NPLOC4: variants seen among roughly 807,000 people sequenced by gnomAD.
NPLOC4 encodes nuclear protein localization protein 4 homolog.
Under a neutral mutation model 80.6 loss-of-function variants are expected in NPLOC4, and 18 were observed. The observed-to-expected ratio is 0.22, with a 90% CI of 0.15 to 0.33. NPLOC4 has a LOEUF of 0.33. Among genes scored for constraint, NPLOC4 ranks in the 10% least tolerant of loss-of-function variants. NPLOC4 has a pLI of 1.00. For synonymous variants in NPLOC4, 313 were observed against 301.5 expected (o/e 1.04, Z -0.39); for missense variants, 540 against 786.1 (o/e 0.69, Z 3.74).
Position 81,633,872 on chromosome 17 carries a change from AT to A in NPLOC4, c.15+3043del, listed in dbSNP as rs35394558. Among the ~76,000 whole-genome samples, 265 of 143,504 alleles carry A rather than the reference AT, an allele frequency of 1.8e-3. 1 individual carries two copies. Among genetic ancestry groups the A allele is most frequent in the East Asian group, 4.9e-3 (24 of 4,910 alleles). 94.1% of individuals were successfully genotyped at this position (143,504 alleles called of 152,430 possible). A position where few individuals can be genotyped will look rare whatever the true frequency, so the allele number is the denominator to read the frequency against. On this transcript the variant is annotated intron_variant, in intron 1 of 16. Coordinates refer to ENST00000331134, the MANE Select transcript of NPLOC4 (RefSeq NM_017921.4). Reference sequence around the variant, plus strand: ...AGGCGCCCGCCACCGCGCCCAGCTAATTTTTTTTTTTTTTTTAAGAGTCTCA... The same window carrying A: ...AGGCGCCCGCCACCGCGCCCAGCTAATTTTTTTTTTTTTTTAAGAGTCTCA...
chr17:81,596,294 A>G, intron 10 of NPLOC4, 52 bp from the exon 11 acceptor site: 1 of 1,571,222 alleles, frequency 6.4e-7, no homozygotes, highest in South Asian at 1.1e-5. Context: ...GCCAAAATAT[A>G]CTTCTATTTC....
At chr17:81,614,252 G>A (rs1258658557) in intron 3 of NPLOC4, 2 of 138,698 alleles carry the variant, frequency 1.4e-5, no homozygotes, top group Non-Finnish European at 3.0e-5. Flanking sequence ...ACTCCAGCCT[G>A]GTGACAGAGG....
chr17:81,594,850 G>C (rs577224092), intron 11 of NPLOC4, among the ~76,000 whole-genome samples: 87 of 152,136 alleles, frequency 5.7e-4, no homozygotes, highest in Non-Finnish European at 1.0e-3. Flanking sequence ...GGAGGCTGTT[G>C]GGGTCGGATC....
chr17:81,606,152 G>T (rs907522617), intron 7 of NPLOC4, among the ~76,000 whole-genome samples: 6 of 152,114 alleles, frequency 3.9e-5, no homozygotes, highest in Admixed American at 3.3e-4. Context: ...AAGAAAAAAG[G>T]AATAGAGAAT....
At position 81,611,959 on chromosome 17, in the gene NPLOC4, C is replaced by CAAA. The variant is rs11401963; in HGVS notation, c.386+1356_386+1358dup. On this transcript the variant is annotated intron_variant, in intron 4 of 16. Transcript: ENST00000331134. ...TGGGTGACAGAGCGAGAGTCCATCT[C>CAAA]AAAAAAAAAAAAAAAAAGAAAAGTG... Among the ~76,000 whole-genome samples, 36 of 104,248 alleles carry CAAA rather than the reference C, an allele frequency of 3.5e-4. 1 individual carries two copies. Among genetic ancestry groups the CAAA allele is most frequent in the Non-Finnish European group, 5.2e-4 (27 of 52,170 alleles). The allele number at this position is 104,248 out of a possible 152,430, so 68.4% of individuals were successfully genotyped here.
chr17:81,583,592 C>T (rs2144114128), intron 12 of NPLOC4, among the ~76,000 whole-genome samples: 1 of 152,334 alleles, frequency 6.6e-6, no homozygotes, highest in South Asian at 2.1e-4. Context: ...TCCTGGTCCT[C>T]ACAGGACTAT....
chr17:81,559,548 C>T (rs1299195419), intron 16 of NPLOC4, 132 bp from the exon 17 acceptor site: 1 of 942,714 alleles, frequency 1.1e-6, no homozygotes, highest in Non-Finnish European at 1.6e-6. Flanking sequence ...CTGGTCCTGC[C>T]CACACAGCAC....
intron 12 of NPLOC4, among the ~76,000 whole-genome samples, chr17:81,587,197 G>C (rs1316358170): frequency 5.3e-5 from 8 of 152,218 alleles, no homozygotes; most frequent in African/African-American, 1.9e-4. Context: ...ATATGGGTCG[G>C]GTGCAGTGGC....
chr17:81,585,668 G>T (rs965128644), intron 12 of NPLOC4, among the ~76,000 whole-genome samples: 1 of 145,294 alleles, frequency 6.9e-6, no homozygotes, highest in Admixed American at 7.1e-5. Context: ...TTCTGGGGGG[G>T]GGGGGAAAGA....
chr17:81,570,156 G>T (rs1426196139), intron 13 of NPLOC4, among the ~76,000 whole-genome samples: 1 of 152,254 alleles, frequency 6.6e-6, no homozygotes, highest in African/African-American at 2.4e-5. Context: ...AGCATCTCTG[G>T]CCTGAGCTGG....
At chr17:81,606,570 T>C (rs1175046264) in intron 7 of NPLOC4, 121 bp downstream of exon 7, 1 of 1,046,700 alleles carries the variant, frequency 9.6e-7, no homozygotes, top group African/African-American at 1.6e-5. Context: ...ATTCAGTCCA[T>C]CAAAAAGTAC....
At chr17:81,630,112 A>G (rs927536410) in intron 1 of NPLOC4, among the ~76,000 whole-genome samples, 21 of 152,210 alleles carry the variant, frequency 1.4e-4, no homozygotes, top group Middle Eastern at 3.4e-3. Flanking sequence ...CTTCAGACTT[A>G]AAACAGAGAA....
At chr17:81,611,947 G>A (rs1268955463) in intron 4 of NPLOC4, among the ~76,000 whole-genome samples, 4 of 131,302 alleles carry the variant, frequency 3.0e-5, no homozygotes, top group South Asian at 2.4e-4. Flanking sequence ...GTGACAGAGC[G>A]AGAGTCCATC....
chr17:81,557,359 T>C lies in NPLOC4; in HGVS notation c.*1900A>G, dbSNP rs557916647. Reference sequence around the variant, plus strand: ...CAGAATCAGACAAATCGCCAATGCTTTTCCTTTAGCTAAAAGACAAAAGAA... The same window carrying C: ...CAGAATCAGACAAATCGCCAATGCTCTTCCTTTAGCTAAAAGACAAAAGAA... On this transcript the variant is annotated 3_prime_UTR_variant, in exon 17 of 17. Coordinates refer to ENST00000331134, the MANE Select transcript of NPLOC4 (RefSeq NM_017921.4). 3 of 152,624 alleles carry C rather than the reference T, an allele frequency of 2.0e-5. No individual in the cohort carries two copies. The highest frequency in any genetic ancestry group is 2.1e-4 in the South Asian group (1 of 4,834). 9.5% of individuals were successfully genotyped at this position (152,624 alleles called of 1,614,324 possible). A position where few individuals can be genotyped will look rare whatever the true frequency, so the allele number is the denominator to read the frequency against.
At chr17:81,602,221 A>G (rs1247486759) in intron 8 of NPLOC4, among the ~76,000 whole-genome samples, 1 of 152,104 alleles carries the variant, frequency 6.6e-6, no homozygotes, top group East Asian at 1.9e-4. Context: ...CCTTGTTTCA[A>G]AACAAAACAA....
intron 16 of NPLOC4, among the ~76,000 whole-genome samples, chr17:81,561,148 G>A (rs995037051): frequency 6.6e-6 from 1 of 152,034 alleles, no homozygotes; most frequent in African/African-American, 2.4e-5. Flanking sequence ...TAGTAGAGAT[G>A]GGTTTTCACC....
At chr17:81,563,855 G>A (rs972313804) in intron 16 of NPLOC4, 10 of 447,460 alleles carry the variant, frequency 2.2e-5, no homozygotes, top group Middle Eastern at 3.4e-4. Flanking sequence ...ACTAATGCAG[G>A]AACAGCAAAC....
chr17:81,631,429 T>TAC (rs2035923243), intron 1 of NPLOC4, among the ~76,000 whole-genome samples: 1 of 47,588 alleles, frequency 2.1e-5, no homozygotes, highest in African/African-American at 1.4e-4. Flanking sequence ...TACATATATA[T>TAC]ATATATATTT....
rs917207444 is a variant in NPLOC4 at position 81,629,772 on chromosome 17, G to T, written c.49C>A (p.Arg17=). ...IRVQSPDGVK[R]ITATKRETAA... is the part of the protein sequence containing the mutation. Reference sequence around the variant, plus strand: ...GTTTCTCTCTTTGTTGCTGTGATCCGCTTCACTCCATCCGGGGACTGGACA... The same window carrying T: ...GTTTCTCTCTTTGTTGCTGTGATCCTCTTCACTCCATCCGGGGACTGGACA... Residue 17 remains arginine, a synonymous_variant, in exon 2 of 17, where the codon CGG becomes AGG. Transcript: ENST00000331134. The T allele has an allele frequency of 1.2e-6, 2 of 1,613,556 alleles. No homozygotes were observed. Among genetic ancestry groups the T allele is most frequent in the African/African-American group, 1.3e-5 (1 of 74,872 alleles).
Sources: allele counts gnomAD v4.1 joint callset (sites outside exome capture counted in the v4.1 genomes callset), GRCh38; gene constraint gnomAD v4.1.1; transcripts MANE v1.5; gene names NCBI Gene and HGNC (gene_info 2026-07-23, HGNC 2026-07-21).